The following ROBO2 variants were observed in gnomAD, a reference collection of about 807,000 sequenced individuals.
ROBO2 encodes the protein roundabout guidance receptor 2, also known as roundabout homolog 2.
ROBO2 carries 53 observed loss-of-function variants against 160.8 expected under a neutral mutation model. The ratio of observed to expected loss-of-function variants is 0.33; its 90% confidence interval spans 0.26 to 0.41. The LOEUF (loss-of-function observed/expected upper bound fraction) is 0.41, where lower values mean the gene tolerates loss of function less well. ROBO2 is among the 10% of genes least tolerant of loss of function. ROBO2 has a pLI of 1.00. For missense variants in ROBO2, 1,577 were observed against 1,722.4 expected (o/e 0.92, Z 1.49); for synonymous variants, 664 against 611.7 (o/e 1.09, Z -1.26).
intron 2 of ROBO2, among the ~76,000 whole-genome samples, chr3:77,368,283 C>T (rs976996255): frequency 4.0e-5 from 6 of 151,858 alleles, no homozygotes; most frequent in Admixed American, 6.6e-5. Context: ...TAAAGAAAAC[C>T]GAAGCTATGC....
chr3:77,335,437 C>T (rs112725914), intron 2 of ROBO2, among the ~76,000 whole-genome samples: 6 of 152,096 alleles, frequency 3.9e-5, no homozygotes, highest in Admixed American at 6.6e-5. Context: ...AAGCAGAGAT[C>T]AAAAAATATC....
chr3:77,025,803 G>C (rs1441163023), intron 2 of ROBO2, among the ~76,000 whole-genome samples: 1 of 152,106 alleles, frequency 6.6e-6, no homozygotes, highest in African/African-American at 2.4e-5. Flanking sequence ...ATCATTCCTT[G>C]AGAGGTATTT....
At chr3:76,745,633 A>G (rs1286830594) in intron 2 of ROBO2, among the ~76,000 whole-genome samples, 1 of 151,956 alleles carries the variant, frequency 6.6e-6, no homozygotes, top group Non-Finnish European at 1.5e-5. Context: ...GTGCTTGAGC[A>G]TCTTGATAAA....
At chr3:77,485,250 C>A (rs2085207419) in intron 4 of ROBO2, among the ~76,000 whole-genome samples, 1 of 152,092 alleles carries the variant, frequency 6.6e-6, no homozygotes, top group Non-Finnish European at 1.5e-5. Context: ...TGCCTTCATT[C>A]TCTCCAGACC....
intron 2 of ROBO2, among the ~76,000 whole-genome samples, chr3:76,238,303 G>A (rs1576036781): frequency 6.6e-6 from 1 of 152,148 alleles, no homozygotes; most frequent in African/African-American, 2.4e-5. Context: ...AATCATAGGG[G>A]AATGTGAAGG....
intron 2 of ROBO2, among the ~76,000 whole-genome samples, chr3:76,274,931 T>C (rs2107648543): frequency 6.6e-6 from 1 of 152,180 alleles, no homozygotes; most frequent in Non-Finnish European, 1.5e-5. Context: ...TTACAAGAAT[T>C]CAGTGAATAT....
chr3:77,312,622 A>G (rs945532402), intron 2 of ROBO2, among the ~76,000 whole-genome samples: 1 of 152,240 alleles, frequency 6.6e-6, no homozygotes, highest in Non-Finnish European at 1.5e-5. Context: ...CAAGTCAGAT[A>G]GTTTATCATT....
At chr3:76,568,291 T>A (rs772281818) in intron 2 of ROBO2, among the ~76,000 whole-genome samples, 29 of 152,108 alleles carry the variant, frequency 1.9e-4, no homozygotes, top group Non-Finnish European at 3.5e-4. Context: ...TTTTCTTTTT[T>A]AATTTAATTT....
At position 76,893,517 on chromosome 3, in the gene ROBO2, ATTTTTCT is replaced by A. The variant is rs573037948; in HGVS notation, c.110-204484_110-204478del. Reference sequence around the variant, plus strand: ...CTTCTGAAATAATTTCAATTAGTTCATTTTTCTTTTTTCTTTTTTATTGATGTATAAC... The same window carrying A: ...CTTCTGAAATAATTTCAATTAGTTCATTTTTCTTTTTTATTGATGTATAAC... On this transcript the variant is annotated intron_variant, in intron 2 of 26. Transcript: ENST00000487694. 2.3e-3 allele frequency among the ~76,000 whole-genome samples: 349 copies of A among 152,044 alleles called. 1 individual carries two copies. Among genetic ancestry groups the A allele is most frequent in the African/African-American group, 7.0e-3 (289 of 41,494 alleles).
At position 77,451,768 on chromosome 3, in the gene ROBO2, CTTT is replaced by C. The variant is rs57642396; in HGVS notation, c.389-25639_389-25637del. Among the ~76,000 whole-genome samples the C allele has an allele frequency of 6.3e-4, 94 of 149,896 alleles. 1 individual carries two copies. The highest frequency in any genetic ancestry group is 1.5e-3 in the African/African-American group (63 of 40,722). On this transcript the variant is annotated intron_variant, in intron 2 of 25. Transcript: ENST00000461745. ...TCATTCTGACTCTAAAAAGCAAATC[CTTT>C]TTTTTTAATTTTTTTATTATACTTT...
At chr3:76,770,725 AATATATTTTTC>A (rs1452580211) in intron 2 of ROBO2, among the ~76,000 whole-genome samples, 3 of 151,382 alleles carry the variant, frequency 2.0e-5, no homozygotes, top group Non-Finnish European at 4.4e-5. Flanking sequence ...TGTTTTTAAA[AATATATTTTTC>A]AAAGGACCAT....
rs188622266 is a variant in ROBO2 at position 76,696,415 on chromosome 3, G to A, written c.110-401599G>A. 1.8e-3 allele frequency among the ~76,000 whole-genome samples: 268 copies of A among 149,702 alleles called. 1 individual carries two copies. The highest frequency in any genetic ancestry group is 6.4e-3 in the African/African-American group (258 of 40,542). ...TTTTTCAGTTGCAAGATTTAATAGC[G>A]TGAAAACAGAGCTCCCATACGAAGG... On this transcript the variant is annotated intron_variant, in intron 2 of 26. Coordinates refer to the ROBO2 transcript ENST00000487694.
chr3:76,916,732 C>T (rs1463273553), intron 2 of ROBO2, among the ~76,000 whole-genome samples: 1 of 151,860 alleles, frequency 6.6e-6, no homozygotes, highest in Non-Finnish European at 1.5e-5. Flanking sequence ...TCATCTAACA[C>T]CATAACATTT....
chr3:76,073,584 C>G (rs2068544175), intron 2 of ROBO2, among the ~76,000 whole-genome samples: 1 of 151,940 alleles, frequency 6.6e-6, no homozygotes, highest in South Asian at 2.1e-4. Flanking sequence ...AGCTACCGCG[C>G]CCGGCAGAGT....
intron 2 of ROBO2, among the ~76,000 whole-genome samples, chr3:77,230,443 A>G (rs1049364500): frequency 2.0e-5 from 3 of 152,198 alleles, no homozygotes; most frequent in Non-Finnish European, 4.4e-5. Flanking sequence ...GTTATTCTTC[A>G]AACGTAACAT....
At chr3:76,204,265 G>A (rs1428986654) in intron 2 of ROBO2, among the ~76,000 whole-genome samples, 1 of 152,188 alleles carries the variant, frequency 6.6e-6, no homozygotes, top group African/African-American at 2.4e-5. Context: ...TAGAATTGAG[G>A]AGAAAATAAT....
intron 16 of ROBO2, among the ~76,000 whole-genome samples, chr3:77,584,818 CAT>C (rs1280528889): frequency 6.6e-6 from 1 of 151,398 alleles, no homozygotes; most frequent in East Asian, 1.9e-4. Flanking sequence ...ATTTAACTTA[CAT>C]GTGTGTGTAT....
At position 77,568,298 on chromosome 3, in the gene ROBO2, C is replaced by T; in HGVS notation, c.1850-15C>T. 1 of 1,612,240 alleles carries T rather than the reference C, an allele frequency of 6.2e-7. No homozygotes were observed. The highest frequency in any genetic ancestry group is 1.1e-5 in the South Asian group (1 of 91,060). On this transcript the variant is annotated splice_polypyrimidine_tract_variant and intron_variant, in intron 12 of 25. Transcript: ENST00000461745. ...AATTTTTAAAGGTGGGAATGATTCT[C>T]TTCTCTAACTGCAGATATCAGCCCA...
chr3:76,698,624 G>A (rs1576062464), intron 2 of ROBO2, among the ~76,000 whole-genome samples: 1 of 152,182 alleles, frequency 6.6e-6, no homozygotes. Flanking sequence ...GGTTGAAAGT[G>A]CTGTGTTCAA....
Sources: allele counts gnomAD v4.1 joint callset (sites outside exome capture counted in the v4.1 genomes callset), GRCh38; gene constraint gnomAD v4.1.1; transcripts MANE v1.5; gene names NCBI Gene and HGNC (gene_info 2026-07-23, HGNC 2026-07-21).